The following KCNAB1 variants were observed in gnomAD, a reference collection of about 807,000 sequenced individuals.
KCNAB1 encodes the protein voltage-gated potassium channel subunit beta-1.
Under a neutral mutation model 64.6 loss-of-function variants are expected in KCNAB1, and 35 were observed. The ratio of observed to expected loss-of-function variants is 0.54; its 90% CI spans 0.41 to 0.72. KCNAB1 has a LOEUF of 0.72. KCNAB1 is among the 30% of genes least tolerant of loss of function. KCNAB1 has a pLI of 0.00. For missense variants in KCNAB1, 401 were observed against 512.9 expected (o/e 0.78, Z 2.11); for synonymous variants, 177 against 183.8 (o/e 0.96, Z 0.30).
At chr3:156,298,864 A>G (rs1720966955) in intron 1 of KCNAB1, among the ~76,000 whole-genome samples, 1 of 152,194 alleles carries the variant, frequency 6.6e-6, no homozygotes, top group Non-Finnish European at 1.5e-5. Flanking sequence ...TTTTGTAACC[A>G]GTTTTTCACT....
At chr3:156,178,983 A>G in intron 1 of KCNAB1, among the ~76,000 whole-genome samples, 1 of 146,800 alleles carries the variant, frequency 6.8e-6, no homozygotes, top group African/African-American at 2.5e-5. Flanking sequence ...CCTGGGAGAC[A>G]CAGCGAGACT....
intron 1 of KCNAB1, among the ~76,000 whole-genome samples, chr3:156,229,469 G>A (rs532546013): frequency 1.3e-5 from 2 of 152,240 alleles, no homozygotes; most frequent in Non-Finnish European, 2.9e-5. Flanking sequence ...CATGAGATTT[G>A]GGCAGGGACA....
At chr3:156,449,446 G>C (rs1253944856) in intron 2 of KCNAB1, among the ~76,000 whole-genome samples, 1 of 152,054 alleles carries the variant, frequency 6.6e-6, no homozygotes, top group Non-Finnish European at 1.5e-5. Context: ...TACTGTAAAT[G>C]GTTCTTATAT....
rs145048797 is a variant in KCNAB1 at position 156,195,102 on chromosome 3, A to C, written c.275+74216A>C. 6.0e-3 allele frequency among the ~76,000 whole-genome samples: 913 copies of C among 152,322 alleles called. 11 individuals are homozygous for C. The highest frequency in any genetic ancestry group is 0.021 in the African/African-American group (872 of 41,572). ...TTTCCAGCTTCATCCATGTCCCTGC[A>C]AAAGATATGACCTTATCCTTTTTTA... On this transcript the variant is annotated intron_variant, in intron 1 of 13. Transcript: ENST00000490337.
chr3:156,485,238 A>T (rs758904678), intron 8 of KCNAB1, among the ~76,000 whole-genome samples: 1 of 152,132 alleles, frequency 6.6e-6, no homozygotes, highest in South Asian at 2.1e-4. Context: ...AGCTTGTTCC[A>T]TAGCTCTTTC....
chr3:156,323,443 C>G (rs896818825), intron 1 of KCNAB1, among the ~76,000 whole-genome samples: 1 of 152,176 alleles, frequency 6.6e-6, no homozygotes, highest in Non-Finnish European at 1.5e-5. Context: ...TGTCATAAAA[C>G]TGTAAAAATG....
chr3:156,482,956 A>G (rs1348423357), intron 8 of KCNAB1, among the ~76,000 whole-genome samples: 2 of 152,136 alleles, frequency 1.3e-5, no homozygotes, highest in African/African-American at 2.4e-5. Flanking sequence ...ACAACAAATT[A>G]AGATGCATGA....
chr3:156,148,961 G>A (rs1169115503), intron 1 of KCNAB1, among the ~76,000 whole-genome samples: 1 of 151,996 alleles, frequency 6.6e-6, no homozygotes, highest in Non-Finnish European at 1.5e-5. Context: ...GCCTCAGGAA[G>A]TGTGGGAATA....
chr3:156,300,217 T>A (rs1285465751), intron 1 of KCNAB1, among the ~76,000 whole-genome samples: 1 of 152,160 alleles, frequency 6.6e-6, no homozygotes, highest in African/African-American at 2.4e-5. Context: ...AAAAAAATAC[T>A]TCCCAATCAC....
intron 2 of KCNAB1, among the ~76,000 whole-genome samples, chr3:156,440,168 T>C (rs562987464): frequency 6.6e-6 from 1 of 152,362 alleles, no homozygotes; most frequent in Non-Finnish European, 1.5e-5. Flanking sequence ...TCCTGAGATG[T>C]TGTTAATCTC....
At chr3:156,158,171 A>AG (rs1715844920) in intron 1 of KCNAB1, among the ~76,000 whole-genome samples, 1 of 84,778 alleles carries the variant, frequency 1.2e-5, no homozygotes, top group Admixed American at 1.5e-4. Flanking sequence ...TCTCAAAAAA[A>AG]AAAATAAAAA....
Position 156,455,254 on chromosome 3 carries a change from CA to C in KCNAB1, c.358-2196del, listed in dbSNP as rs368696789. Among the ~76,000 whole-genome samples the C allele has an allele frequency of 7.2e-4, 109 of 152,328 alleles. No homozygotes were observed. In the South Asian group the frequency reaches 0.015, roughly 21 times the overall value. On this transcript the variant is annotated intron_variant, in intron 3 of 13. Coordinates refer to ENST00000490337, the MANE Select transcript of KCNAB1 (RefSeq NM_172160.3). ...AAATAATCTCAACACAAAGTACATGCAAATATGGAATACTAGGGCTGGCCAC... is the reference window on the plus strand; with the variant it reads ...AAATAATCTCAACACAAAGTACATGCAATATGGAATACTAGGGCTGGCCAC...
At chr3:156,176,864 T>C in intron 1 of KCNAB1, 1 of 1,129,288 alleles carries the variant, frequency 8.9e-7, no homozygotes, top group Non-Finnish European at 1.3e-6. Flanking sequence ...GCCGCTTGAC[T>C]GGGACCAGCG....
At chr3:156,252,044 T>C (rs1173104301) in intron 1 of KCNAB1, among the ~76,000 whole-genome samples, 1 of 152,178 alleles carries the variant, frequency 6.6e-6, no homozygotes, top group Non-Finnish European at 1.5e-5. Flanking sequence ...TGCTGATGAG[T>C]TGGGCCTTTT....
rs66787412 is a variant in KCNAB1, at chr3:156,428,533, A to ACC, written c.319+6876_319+6877dup. ...CACACACACACACACACACACACAC[A>ACC]CCCTATTGGTTCTGTTTCTCTGGAG... is the stretch of plus-strand genomic sequence containing the variant. On this transcript the variant is annotated intron_variant, in intron 2 of 13. Transcript: ENST00000490337. Among the ~76,000 whole-genome samples, 54 of 143,122 alleles carry ACC rather than the reference A, an allele frequency of 3.8e-4. 1 individual carries two copies. The South Asian group carries it at 3.8e-3, about 10-fold the overall frequency. 93.9% of individuals were successfully genotyped at this position (143,122 alleles called of 152,430 possible). A position where few individuals can be genotyped will look rare whatever the true frequency, so the allele number is the denominator to read the frequency against.
intron 1 of KCNAB1, among the ~76,000 whole-genome samples, chr3:156,152,076 C>T (rs746464620): frequency 1.3e-5 from 2 of 152,224 alleles, no homozygotes; most frequent in East Asian, 1.9e-4. Context: ...TCCCTGACAA[C>T]GACTGTGTCT....
intron 1 of KCNAB1, among the ~76,000 whole-genome samples, chr3:156,357,155 GCGCGCACA>G (rs1171130851): frequency 7.9e-6 from 1 of 126,214 alleles, no homozygotes; most frequent in East Asian, 2.0e-4. Context: ...ACACACATGT[GCGCGCACA>G]CACACACACA....
intron 1 of KCNAB1, among the ~76,000 whole-genome samples, chr3:156,323,647 G>T (rs1268923571): frequency 6.6e-6 from 1 of 152,166 alleles, no homozygotes; most frequent in African/African-American, 2.4e-5. Context: ...TAAAGGTTGA[G>T]TTGCCATGGT....
intron 1 of KCNAB1, among the ~76,000 whole-genome samples, chr3:156,361,159 A>C (rs901593662): frequency 6.6e-5 from 10 of 152,080 alleles, no homozygotes; most frequent in Admixed American, 2.0e-4. Context: ...CATTCTTCTC[A>C]TCTCAGCTTA....
Sources: allele counts gnomAD v4.1 joint callset (sites outside exome capture counted in the v4.1 genomes callset), GRCh38; gene constraint gnomAD v4.1.1; transcripts MANE v1.5; gene names NCBI Gene and HGNC (gene_info 2026-07-23, HGNC 2026-07-21).